Variants in MTSS2 observed in about 807,000 individuals in gnomAD.
MTSS2 encodes MTSS I-BAR domain containing 2, also known as protein MTSS 2.
Under a neutral mutation model 67.1 loss-of-function variants are expected in MTSS2, and 27 were observed. The ratio of observed to expected loss-of-function variants is 0.40; its 90% CI spans 0.30 to 0.55. The LOEUF (loss-of-function observed/expected upper bound fraction) is 0.55, where lower values mean the gene tolerates loss of function less well. Ranked by LOEUF, MTSS2 falls within the 20% of genes least tolerant of loss-of-function variation. The pLI, the probability that MTSS2 is intolerant of heterozygous loss-of-function variation, is 0.43. For synonymous variants in MTSS2, 624 were observed against 468.6 expected (o/e 1.33, Z -4.28); for missense variants, 1,171 against 1,067.8 (o/e 1.10, Z -1.35).
At chr16:70,676,769 G>T in intron 10 of MTSS2, 112 bp downstream of exon 10, 1 of 857,376 alleles carries the variant, frequency 1.2e-6, no homozygotes, top group Non-Finnish European at 1.9e-6. Flanking sequence ...TGGTGTAAAA[G>T]TTGTGAATTT....
intron 3 of MTSS2, 88 bp downstream of exon 3, chr16:70,680,706 C>T: frequency 8.2e-7 from 1 of 1,222,856 alleles, no homozygotes; most frequent in Non-Finnish European, 1.2e-6. Flanking sequence ...GGCGTCCCGT[C>T]CTTTCCCTGG....
rs1050787319 is a variant in MTSS2 at position 70,661,434 on chromosome 16, T to A, written c.*2243A>T. ...AGGAGGGCTGCCTGGGGTGGGGGAA[T>A]AAATTAAAAAAAGGAACGAGTTAAC... On this transcript the variant is annotated 3_prime_UTR_variant, in exon 15 of 15. Coordinates refer to ENST00000338779, the MANE Select transcript of MTSS2 (RefSeq NM_138383.3). 1.6e-5 allele frequency: 6 copies of A among 365,858 alleles called. No individual in the cohort carries two copies. The highest frequency in any genetic ancestry group is 8.0e-5 in the East Asian group (1 of 12,498). The allele number at this position is 365,858 out of a possible 1,614,324, so 22.7% of individuals were successfully genotyped here.
intron 11 of MTSS2, among the ~76,000 whole-genome samples, chr16:70,666,656 C>T (rs1005716662): frequency 2.0e-5 from 3 of 152,192 alleles, no homozygotes; most frequent in Non-Finnish European, 4.4e-5. Context: ...AAAAGGAAAC[C>T]AGGCACCACC....
rs374908099 is a variant in MTSS2, at chr16:70,674,519, G to A, written c.840C>T (p.Ser280=). 2.5e-6 allele frequency: 4 copies of A among 1,613,026 alleles called. No individual in the cohort carries two copies. The East Asian group carries it at 8.9e-5, about 36-fold the overall frequency. The change falls in exon 11 of 15, where the codon AGC becomes AGT. Residue 280 remains serine, a synonymous_variant. Transcript: ENST00000338779. ...SRKSSMCSAP[S]SSSSAKGGGA... is the part of the protein sequence containing the mutation. ...CGCCACCCTTGGCACTGCTACTGCTGCTGGGGGCACTAGGGGAGTGAAGGA... is the reference window on the plus strand; with the variant it reads ...CGCCACCCTTGGCACTGCTACTGCTACTGGGGGCACTAGGGGAGTGAAGGA...
At chr16:70,678,988 G>A (rs2053210239) in intron 7 of MTSS2, among the ~76,000 whole-genome samples, 1 of 152,206 alleles carries the variant, frequency 6.6e-6, no homozygotes, top group African/African-American at 2.4e-5. Context: ...CAGAGGAGAT[G>A]ATGAGATGGC....
At chr16:70,664,475 C>A in intron 14 of MTSS2, 26 bp from the exon 15 acceptor site, 2 of 1,540,554 alleles carry the variant, frequency 1.3e-6, no homozygotes, top group East Asian at 2.3e-5. Flanking sequence ...ACAGTGAGGC[C>A]CAGGGCCCAG....
In MTSS2 at chr16:70,664,322, G is replaced by A. The variant is rs1290345231; in HGVS notation, c.1599C>T (p.Thr533=). The change falls in exon 15 of 15, where the codon ACC becomes ACT. Residue 533 remains threonine (T), a synonymous_variant. Transcript: ENST00000338779. ...IAQNYRRLIQ[T]KRPASTAGLP... Reference sequence around the variant, plus strand: ...GCCCAGCAGTGGAGGCTGGGCGCTTGGTCTGGATCAGGCGGCGGTAGTTCT... The same window carrying A: ...GCCCAGCAGTGGAGGCTGGGCGCTTAGTCTGGATCAGGCGGCGGTAGTTCT... 11 of 1,595,418 alleles carry A rather than the reference G, an allele frequency of 6.9e-6. No individual in the cohort carries two copies. The highest frequency in any genetic ancestry group is 1.3e-5 in the African/African-American group (1 of 74,328).
chr16:70,683,099 C>A (rs11864446), intron 1 of MTSS2, among the ~76,000 whole-genome samples: 8,954 of 152,258 alleles, frequency 0.059, 694 homozygotes, highest in African/African-American at 0.19. Context: ...TGAGGGGCTT[C>A]TCATTAGAGG....
At position 70,663,668 on chromosome 16, in the gene MTSS2, GTGGCGCCATCATAAGA is replaced by G; in HGVS notation, c.2237_*8del. 1 of 1,566,056 alleles carries G rather than the reference GTGGCGCCATCATAAGA, an allele frequency of 6.4e-7. No individual in the cohort carries two copies. The highest frequency in any genetic ancestry group is 8.6e-7 in the Non-Finnish European group (1 of 1,156,486). ...ACTGGGGCCTGAGAGGATGGGGAGG[GTGGCGCCATCATAAGA>G]TGCGGGGCGCCGACCTGTCGTTGGT... On this transcript the variant is annotated stop_lost and 3_prime_UTR_variant, in exon 15 of 15. Coordinates refer to ENST00000338779, the MANE Select transcript of MTSS2 (RefSeq NM_138383.3).
In MTSS2 at chr16:70,663,901, G is replaced by C; in HGVS notation, c.2020C>G (p.Leu674Val). Residue 674 changes from leucine to valine, a missense_variant, in exon 15 of 15, where the codon CTG (leucine) becomes GTG (valine). Physicochemically the swap from Leu to Val is conservative, Grantham distance 32. Transcript: ENST00000338779. ...ACCAGCTCCCCCAGCTTCTCCACCA[G>C]GCTGTGCCGGTTGGCCGCCAGCTGC... ...QQQLAANRHS[L>V]VEKLGELVAG... 1 of 1,548,674 alleles carries C rather than the reference G, an allele frequency of 6.5e-7. No individual in the cohort carries two copies. Among genetic ancestry groups the C allele is most frequent in the Non-Finnish European group, 8.7e-7 (1 of 1,148,854 alleles).
At position 70,664,131 on chromosome 16, in the gene MTSS2, G is replaced by C. The variant is rs531163149; in HGVS notation, c.1790C>G (p.Thr597Arg). ...CATGTAGCCGGGGGAGTCAGGCACC[G>C]TGGGCGTCTTCACAGGGACGATGGG... ...RPPIVPVKTP[T>R]VPDSPGYMGP... Residue 597 changes from threonine to arginine, a missense_variant, in exon 15 of 15, where the codon ACG becomes AGG. Thr to Arg is a moderately conservative substitution (Grantham distance 71, BLOSUM62 -1). Coordinates refer to ENST00000338779, the MANE Select transcript of MTSS2 (RefSeq NM_138383.3). The C allele has an allele frequency of 1.9e-6, 3 of 1,610,574 alleles. No individual in the cohort carries two copies. Among genetic ancestry groups the C allele is most frequent in the Admixed American group, 1.7e-5 (1 of 59,970 alleles).
At position 70,664,063 on chromosome 16, in the gene MTSS2, C is replaced by A; in HGVS notation, c.1858G>T (p.Asp620Tyr). Residue 620 changes from aspartate to tyrosine, a missense_variant, in exon 15 of 15, where the codon GAC (aspartate) becomes TAC (tyrosine). This residue lies in a region of MTSS2 where 924 missense variants were observed against 756.0 expected (regional missense o/e 1.22). Coordinates refer to ENST00000338779, the MANE Select transcript of MTSS2 (RefSeq NM_138383.3). ...GGTGCCAGGGGTGAGGCGGTCTCGT[C>A]GGTATAGAAGACGCACTCCTCACTG... The part of the protein sequence containing the change: ...AGSEECVFYT[D>Y]ETASPLAPDL... 6.2e-7 allele frequency: 1 copy of A among 1,611,210 alleles called. No homozygotes were observed. Among genetic ancestry groups the A allele is most frequent in the Non-Finnish European group, 8.5e-7 (1 of 1,179,306 alleles).
intron 10 of MTSS2, among the ~76,000 whole-genome samples, chr16:70,676,017 C>G (rs185633269): frequency 6.6e-6 from 1 of 152,218 alleles, no homozygotes; most frequent in Non-Finnish European, 1.5e-5. Context: ...CACTGTGGGA[C>G]GGCCACCCAC....
intron 1 of MTSS2, 75 bp downstream of exon 1, chr16:70,685,648 G>T: frequency 3.2e-6 from 3 of 941,746 alleles, no homozygotes; most frequent in Non-Finnish European, 3.9e-6. Context: ...ACGAGGCTCG[G>T]CCACCCGCCG....
chr16:70,665,089 G>T lies in MTSS2; in HGVS notation c.1136C>A (p.Ser379Tyr). The T allele has an allele frequency of 6.3e-7, 1 of 1,596,016 alleles. No individual in the cohort carries two copies. The highest frequency in any genetic ancestry group is 8.5e-7 in the Non-Finnish European group (1 of 1,178,932). Residue 379 changes from serine (S) to tyrosine (Y), a missense_variant, in exon 13 of 15, where the codon TCC (serine) becomes TAC (tyrosine). Transcript: ENST00000338779. Reference sequence around the variant, plus strand: ...GGGCTGCTCATGGGAGCCGACCTTGGACCAGTCCTGCAGGGAGGGTGTGGC... The same window carrying T: ...GGGCTGCTCATGGGAGCCGACCTTGTACCAGTCCTGCAGGGAGGGTGTGGC... ...SECSSPTSDW[S>Y]KVGSHEQPSG...
rs1423756612 is a variant in MTSS2, at chr16:70,663,670, G to A, written c.*7C>T. ...TGGGGCCTGAGAGGATGGGGAGGGT[G>A]GCGCCATCATAAGATGCGGGGCGCC... On this transcript the variant is annotated 3_prime_UTR_variant, in exon 15 of 15. Coordinates refer to ENST00000338779, the MANE Select transcript of MTSS2 (RefSeq NM_138383.3). The A allele has an allele frequency of 1.9e-6, 3 of 1,567,172 alleles. No individual in the cohort carries two copies. Among genetic ancestry groups the A allele is most frequent in the African/African-American group, 2.7e-5 (2 of 73,866 alleles).
chr16:70,664,119 G>A lies in MTSS2; in HGVS notation c.1802C>T (p.Ser601Phe), dbSNP rs747681926. 3.1e-6 allele frequency: 5 copies of A among 1,611,422 alleles called. No homozygotes were observed. The African/African-American group carries it at 5.3e-5, about 17-fold the overall frequency. Residue 601 changes from serine (S) to phenylalanine (F), a missense_variant, in exon 15 of 15, where the codon TCC (serine) becomes TTC (phenylalanine). By Grantham distance (155) the Ser-to-Phe change is radical. This residue lies in a region of MTSS2 where 924 missense variants were observed against 756.0 expected (regional missense o/e 1.22). Transcript: ENST00000338779. Reference sequence around the variant, plus strand: ...CCGTGTGGGCCCCATGTAGCCGGGGGAGTCAGGCACCGTGGGCGTCTTCAC... The same window carrying A: ...CCGTGTGGGCCCCATGTAGCCGGGGAAGTCAGGCACCGTGGGCGTCTTCAC... ...VPVKTPTVPD[S>F]PGYMGPTRAG... is the part of the protein sequence containing the mutation.
At chr16:70,666,807 G>C (rs1228393558) in intron 11 of MTSS2, among the ~76,000 whole-genome samples, 2 of 152,188 alleles carry the variant, frequency 1.3e-5, no homozygotes. Context: ...AAAGACACAA[G>C]CTGCTAGAAA....
chr16:70,680,178 A>C (rs889690177), intron 3 of MTSS2, 123 bp from the exon 4 acceptor site: 1 of 439,980 alleles, frequency 2.3e-6, no homozygotes, highest in African/African-American at 2.1e-5. Flanking sequence ...GCCCCCGCCG[A>C]GCCGCAGTCC....
Sources: allele counts gnomAD v4.1 joint callset (sites outside exome capture counted in the v4.1 genomes callset), GRCh38; gene constraint gnomAD v4.1.1; regional missense constraint gnomAD v4.1.1; transcripts MANE v1.5; gene names NCBI Gene and HGNC (gene_info 2026-07-23, HGNC 2026-07-21).